The following ZNF730 variants were observed in gnomAD, a reference collection of about 807,000 sequenced individuals.
ZNF730 encodes putative zinc finger protein 730.
ZNF730 carries 12 observed loss-of-function variants against 12.6 expected under a neutral mutation model. That is an observed-to-expected ratio of 0.95 (90% CI 0.61 to 1.54). The LOEUF (loss-of-function observed/expected upper bound fraction) is 1.54, where lower values mean the gene tolerates loss of function less well. Among genes scored for constraint, ZNF730 ranks in the 40% most tolerant of loss-of-function variants. The pLI is 0.00. For missense variants in ZNF730, 643 were observed against 583.5 expected, an observed-to-expected ratio of 1.10 and a Z score of -1.05; for synonymous variants, 194 against 195.8, an observed-to-expected ratio of 0.99 and a Z score of 0.08.
chr19:23,122,906 T>C (rs1211921745), intron 1 of ZNF730, among the ~76,000 whole-genome samples: 3 of 152,258 alleles, frequency 2.0e-5, no homozygotes, highest in Non-Finnish European at 2.9e-5. Flanking sequence ...ATTAAAATTA[T>C]TTATACTTAG....
chr19:23,123,232 C>T (rs1400437829), intron 1 of ZNF730: 1 of 152,068 alleles, frequency 6.6e-6, no homozygotes, highest in Non-Finnish European at 1.5e-5. Flanking sequence ...AATATAGATC[C>T]CCAATTCACT....
At chr19:23,112,735 GAAAA>G (rs35045584), upstream of ZNF730, among the ~76,000 whole-genome samples, 41 of 140,368 alleles carry the variant, frequency 2.9e-4, no homozygotes, top group Middle Eastern at 3.4e-3. Context: ...AAAAATAGAA[GAAAA>G]AAAAAAAAAA....
intron 1 of ZNF730, chr19:23,099,961 T>G (rs938300877): frequency 9.9e-5 from 15 of 152,170 alleles, no homozygotes; most frequent in Admixed American, 9.2e-4. Context: ...ATGTGAGTTT[T>G]CTCTTCTTGG....
At chr19:23,093,860 C>T (rs768383802) in intron 1 of ZNF730, among the ~76,000 whole-genome samples, 22 of 152,226 alleles carry the variant, frequency 1.4e-4, no homozygotes, top group Non-Finnish European at 2.2e-4. Flanking sequence ...CTTCAGGCCA[C>T]GAGCGCCTCC....
At chr19:23,113,204 A>G (rs764561969), upstream of ZNF730, among the ~76,000 whole-genome samples, 1 of 152,204 alleles carries the variant, frequency 6.6e-6, no homozygotes, top group Non-Finnish European at 1.5e-5. Context: ...TTTGGTTAAA[A>G]TAAGTAGACT....
intron 1 of ZNF730, among the ~76,000 whole-genome samples, chr19:23,083,103 G>A (rs1969993443): frequency 6.6e-6 from 1 of 151,632 alleles, no homozygotes. Context: ...ATATCTTTTT[G>A]AAATATGGAT....
chr19:23,078,890 C>T (rs1486979429), intron 1 of ZNF730, among the ~76,000 whole-genome samples: 3 of 152,010 alleles, frequency 2.0e-5, no homozygotes, highest in Non-Finnish European at 2.9e-5. Context: ...CTGCAACGTC[C>T]ATCTCCTGGG....
rs57748615 is a variant in ZNF730, at chr19:23,135,221, T to TAAAAAAA, written c.131-695_131-689dup. On this transcript the variant is annotated intron_variant, in intron 2 of 3. Transcript: ENST00000597761. ...GCGAGAAACACCCAAGAATGATCAA[T>TAAAAAAA]AAAAAAAAAAAAAAAAAAAAAAAAA... Among the ~76,000 whole-genome samples, 4 of 38,820 alleles carry TAAAAAAA rather than the reference T, an allele frequency of 1.0e-4. 1 individual carries two copies. The highest frequency in any genetic ancestry group is 2.7e-4 in the African/African-American group (3 of 11,166). The allele number at this position is 38,820 out of a possible 152,430, so 25.5% of individuals were successfully genotyped here. A position where few individuals can be genotyped will look rare whatever the true frequency, so the allele number is the denominator to read the frequency against.
At chr19:23,086,249 A>G (rs1434767064) in intron 1 of ZNF730, among the ~76,000 whole-genome samples, 1 of 152,008 alleles carries the variant, frequency 6.6e-6, no homozygotes, top group African/African-American at 2.4e-5. Flanking sequence ...TTTCTCCCAT[A>G]CCGTAGGTTC....
intron 3 of ZNF730, among the ~76,000 whole-genome samples, chr19:23,137,157 G>A (rs1970845963): frequency 1.3e-5 from 2 of 152,116 alleles, no homozygotes; most frequent in South Asian, 2.1e-4. Context: ...GCAAGAGAGT[G>A]AGACTCTGTC....
At chr19:23,106,500 G>T (rs1970393921) in intron 1 of ZNF730, among the ~76,000 whole-genome samples, 2 of 152,136 alleles carry the variant, frequency 1.3e-5, no homozygotes, top group Admixed American at 1.3e-4. Context: ...ATTAAAGAGG[G>T]TTGGAATGAG....
chr19:23,111,260 T>A (rs1450666661), intron 1 of ZNF730, among the ~76,000 whole-genome samples: 1 of 152,238 alleles, frequency 6.6e-6, no homozygotes, highest in Admixed American at 6.5e-5. Context: ...TTCTGCTACC[T>A]GATGAGCCAT....
chr19:23,082,833 C>T (rs954062994), intron 1 of ZNF730, among the ~76,000 whole-genome samples: 3 of 152,006 alleles, frequency 2.0e-5, no homozygotes, highest in African/African-American at 7.2e-5. Flanking sequence ...TCCCAAGTAG[C>T]CGGGATTACA....
At chr19:23,116,971 G>A, upstream of ZNF730, 18 of 690,608 alleles carry the variant, frequency 2.6e-5, no homozygotes, top group Admixed American at 4.4e-5. Flanking sequence ...GCGGGGGGCC[G>A]TCCAATCAGG....
chr19:23,147,194 A>G lies in ZNF730; in HGVS notation c.*638A>G, dbSNP rs1307193290. The G allele has an allele frequency of 2.6e-5, 4 of 156,850 alleles. No homozygotes were observed. Among genetic ancestry groups the G allele is most frequent in the African/African-American group, 9.6e-5 (4 of 41,488 alleles). The allele number at this position is 156,850 out of a possible 1,614,324, so 9.7% of individuals were successfully genotyped here. A position where few individuals can be genotyped will look rare whatever the true frequency, so the allele number is the denominator to read the frequency against. On this transcript the variant is annotated 3_prime_UTR_variant, in exon 4 of 4. Coordinates refer to ENST00000597761, the MANE Select transcript of ZNF730 (RefSeq NM_001277403.2). The stretch of plus-strand genomic sequence containing the variant: ...TCACATCAACTCAACATCAGAGTTC[A>G]TACTTAATAAAATCATTAAAAGTGC...
chr19:23,135,221 TAAAAAAAAAAAAAAAAAAAA>T (rs57748615), intron 2 of ZNF730, among the ~76,000 whole-genome samples: 6,019 of 39,096 alleles, frequency 0.15, 197 homozygotes, highest in Middle Eastern at 0.33. Context: ...GAATGATCAA[TAAAAAAAAAAAAAAAAAAAA>T]AAAAAAAAAA....
In ZNF730 at chr19:23,083,523, T is replaced by C. The variant is rs563997945; in HGVS notation, c.-94+8136T>C. 3.9e-5 allele frequency among the ~76,000 whole-genome samples: 6 copies of C among 152,218 alleles called. No homozygotes were observed. The East Asian group carries it at 1.2e-3, about 29-fold the overall frequency. On this transcript the variant is annotated intron_variant, in intron 1 of 2. Coordinates refer to the ZNF730 transcript ENST00000593635. ...GGAACCTCCATACTATTTTCTATAATGGACATAAATATTTACACTCCCGCC... is the reference window on the plus strand; with the variant it reads ...GGAACCTCCATACTATTTTCTATAACGGACATAAATATTTACACTCCCGCC...
Position 23,146,740 on chromosome 19 carries a change from G to A in ZNF730, c.*184G>A, listed in dbSNP as rs1259606995. On this transcript the variant is annotated 3_prime_UTR_variant, in exon 4 of 4. Coordinates refer to ENST00000597761, the MANE Select transcript of ZNF730 (RefSeq NM_001277403.2). ...AAAACCTACAAATGTGAAGAATGTGGCAAAGTCTTCAACCAATCTTCACAC... is the reference window on the plus strand; with the variant it reads ...AAAACCTACAAATGTGAAGAATGTGACAAAGTCTTCAACCAATCTTCACAC... 4.7e-6 allele frequency: 6 copies of A among 1,277,728 alleles called. No homozygotes were observed. Among genetic ancestry groups the A allele is most frequent in the South Asian group, 2.4e-5 (2 of 83,876 alleles). The allele number at this position is 1,277,728 out of a possible 1,614,324, so 79.1% of individuals were successfully genotyped here.
chr19:23,110,835 T>C (rs1191848689), intron 1 of ZNF730, among the ~76,000 whole-genome samples: 1 of 152,204 alleles, frequency 6.6e-6, no homozygotes, highest in Non-Finnish European at 1.5e-5. Flanking sequence ...ATTAATTAAA[T>C]ATTAGAAAAA....
Sources: allele counts gnomAD v4.1 joint callset (sites outside exome capture counted in the v4.1 genomes callset), GRCh38; gene constraint gnomAD v4.1.1; transcripts MANE v1.5; gene names NCBI Gene and HGNC (gene_info 2026-07-23, HGNC 2026-07-21).